PTPRD: variants seen among roughly 807,000 people sequenced by gnomAD.
PTPRD encodes the protein receptor-type tyrosine-protein phosphatase delta.
PTPRD carries 34 observed loss-of-function variants against 214.5 expected under a neutral mutation model. The observed-to-expected ratio is 0.16, with a 90% CI of 0.12 to 0.21. The LOEUF (loss-of-function observed/expected upper bound fraction) is 0.21. PTPRD is among the 10% of genes least tolerant of loss of function. The pLI is 1.00. For missense variants in PTPRD, 2,545 were observed against 2,398.7 expected, an observed-to-expected ratio of 1.06 and a Z score of -1.27; for synonymous variants, 1,128 against 845.7, an observed-to-expected ratio of 1.33 and a Z score of -5.79.
chr9:10,549,560 C>A (rs973644723), intron 2 of PTPRD, among the ~76,000 whole-genome samples: 1 of 152,082 alleles, frequency 6.6e-6, no homozygotes, highest in Admixed American at 6.5e-5. Context: ...AAGAGTCAGG[C>A]TGAGAACTAC....
At chr9:10,349,789 A>G (rs2097151319) in intron 2 of PTPRD, among the ~76,000 whole-genome samples, 1 of 152,170 alleles carries the variant, frequency 6.6e-6, no homozygotes, top group South Asian at 2.1e-4. Flanking sequence ...CTAAGTACCC[A>G]TGAATATCTT....
chr9:9,195,078 G>C (rs972964860), intron 9 of PTPRD, among the ~76,000 whole-genome samples: 1 of 102,802 alleles, frequency 9.7e-6, no homozygotes, highest in Non-Finnish European at 2.0e-5. Context: ...ACATATGTGT[G>C]TGTTTGTGTA....
chr9:9,201,728 T>C (rs2099941966), intron 9 of PTPRD, among the ~76,000 whole-genome samples: 2 of 152,200 alleles, frequency 1.3e-5, no homozygotes, highest in South Asian at 4.1e-4. Flanking sequence ...GATTGCAAAA[T>C]CTATACAAAA....
chr9:9,141,001 CAT>C (rs1429781471), intron 10 of PTPRD, among the ~76,000 whole-genome samples: 2 of 152,134 alleles, frequency 1.3e-5, no homozygotes, highest in Non-Finnish European at 2.9e-5. Context: ...GTGCCAAAGA[CAT>C]ATAAACAAAA....
At chr9:9,827,491 T>C (rs1343818683) in intron 5 of PTPRD, among the ~76,000 whole-genome samples, 2 of 152,142 alleles carry the variant, frequency 1.3e-5, no homozygotes, top group South Asian at 2.1e-4. Context: ...CCTTACACTT[T>C]ATACAAAAAT....
chr9:9,208,631 GTC>G (rs1287728770), intron 9 of PTPRD, among the ~76,000 whole-genome samples: 2 of 151,922 alleles, frequency 1.3e-5, no homozygotes, highest in Non-Finnish European at 2.9e-5. Flanking sequence ...TTTCCTATCT[GTC>G]TTAAGTGAAC....
intron 11 of PTPRD, among the ~76,000 whole-genome samples, chr9:8,780,382 C>G (rs576387196): frequency 2.0e-5 from 3 of 152,042 alleles, no homozygotes; most frequent in Non-Finnish European, 4.4e-5. Context: ...GCGCTAGGCA[C>G]AGCAGACACA....
At chr9:10,486,397 A>G (rs2099133171) in intron 2 of PTPRD, among the ~76,000 whole-genome samples, 1 of 152,140 alleles carries the variant, frequency 6.6e-6, no homozygotes, top group South Asian at 2.1e-4. Flanking sequence ...TTTTCTGCAT[A>G]TGGCTGGACA....
chr9:8,901,256 G>C (rs554886352), intron 11 of PTPRD, among the ~76,000 whole-genome samples: 2 of 152,224 alleles, frequency 1.3e-5, no homozygotes, highest in East Asian at 1.9e-4. Flanking sequence ...GTTTCTGATG[G>C]GTAAGAGTCT....
intron 7 of PTPRD, among the ~76,000 whole-genome samples, chr9:9,607,360 C>T (rs780404364): frequency 9.9e-5 from 15 of 152,096 alleles, no homozygotes; most frequent in South Asian, 2.1e-4. Context: ...TTAGTTCATA[C>T]TATGCACTGG....
chr9:9,059,278 A>G (rs759455070), intron 10 of PTPRD, among the ~76,000 whole-genome samples: 1 of 152,208 alleles, frequency 6.6e-6, no homozygotes, highest in Non-Finnish European at 1.5e-5. Context: ...ACAAGAACCT[A>G]ATGTGTACAG....
At chr9:9,939,342 G>A (rs2090697502) in intron 4 of PTPRD, among the ~76,000 whole-genome samples, 1 of 152,138 alleles carries the variant, frequency 6.6e-6, no homozygotes, top group Non-Finnish European at 1.5e-5. Context: ...ACAACTGGGT[G>A]GTTGTAAGGA....
At chr9:9,253,674 T>C (rs2099976415) in intron 9 of PTPRD, among the ~76,000 whole-genome samples, 1 of 152,142 alleles carries the variant, frequency 6.6e-6, no homozygotes, top group African/African-American at 2.4e-5. Flanking sequence ...TGATTTTGAA[T>C]GAGGAACTGT....
chr9:9,891,926 A>G (rs963257233), intron 5 of PTPRD, among the ~76,000 whole-genome samples: 1 of 152,270 alleles, frequency 6.6e-6, no homozygotes, highest in East Asian at 1.9e-4. Context: ...ACTAAAAGAC[A>G]TCCCACATAT....
chr9:10,058,229 T>C (rs1427972045), intron 3 of PTPRD, among the ~76,000 whole-genome samples: 1 of 152,086 alleles, frequency 6.6e-6, no homozygotes, highest in Non-Finnish European at 1.5e-5. Context: ...GAGTTATGTA[T>C]TCACATCTTA....
At chr9:10,197,146 T>A (rs757693150) in intron 3 of PTPRD, among the ~76,000 whole-genome samples, 1 of 151,818 alleles carries the variant, frequency 6.6e-6, no homozygotes, top group Non-Finnish European at 1.5e-5. Context: ...CAGTCAAGAG[T>A]TTGAAGTTGA....
At chr9:9,612,639 C>G (rs1467709526) in intron 7 of PTPRD, among the ~76,000 whole-genome samples, 1 of 151,382 alleles carries the variant, frequency 6.6e-6, no homozygotes, top group Admixed American at 6.6e-5. Context: ...GCCAATTATC[C>G]TAAGATAGTA....
chr9:8,558,003 A>T (rs950367612), intron 14 of PTPRD, among the ~76,000 whole-genome samples: 1 of 151,772 alleles, frequency 6.6e-6, no homozygotes, highest in Non-Finnish European at 1.5e-5. Flanking sequence ...GTGAAGCCTG[A>T]AAAAAAATTA....
chr9:8,550,565 G>C (rs1207989217), intron 14 of PTPRD, among the ~76,000 whole-genome samples: 1 of 152,150 alleles, frequency 6.6e-6, no homozygotes, highest in Non-Finnish European at 1.5e-5. Context: ...ATACGTATGT[G>C]CTTATGTGCA....
Sources: gnomAD v4.1 joint callset for allele counts (sites outside exome capture counted in the v4.1 genomes callset) on GRCh38, gnomAD v4.1.1 for gene constraint, MANE v1.5 for transcripts, NCBI Gene and HGNC (gene_info 2026-07-23, HGNC 2026-07-21) for gene names.